The following MAP2K5 variants were observed in gnomAD, a reference collection of about 807,000 sequenced individuals.
The protein encoded by MAP2K5 is dual specificity mitogen-activated protein kinase kinase 5.
In MAP2K5, 49 loss-of-function variants were observed where a neutral mutation model predicts 83.1. The ratio of observed to expected loss-of-function variants is 0.59; its 90% confidence interval spans 0.47 to 0.75. MAP2K5 has a LOEUF of 0.75. Ranked by LOEUF, MAP2K5 falls within the 30% of genes least tolerant of loss-of-function variation. The pLI, the probability that MAP2K5 is intolerant of heterozygous loss-of-function variation, is 0.00. For missense variants in MAP2K5, 457 were observed against 557.5 expected (o/e 0.82, Z 1.82); for synonymous variants, 202 against 191.8 (o/e 1.05, Z -0.44).
At chr15:67,550,969 G>A (rs1030335856) in intron 2 of MAP2K5, among the ~76,000 whole-genome samples, 1 of 151,922 alleles carries the variant, frequency 6.6e-6, no homozygotes, top group Non-Finnish European at 1.5e-5. Flanking sequence ...ACAGGGTTTT[G>A]CCATGTTGGC....
At chr15:67,704,986 T>C (rs996989648) in intron 16 of MAP2K5, among the ~76,000 whole-genome samples, 1 of 152,210 alleles carries the variant, frequency 6.6e-6, no homozygotes, top group African/African-American at 2.4e-5. Context: ...CCACTGTTCT[T>C]CACTGGGCCT....
intron 19 of MAP2K5, among the ~76,000 whole-genome samples, chr15:67,756,365 G>A (rs2089833991): frequency 6.6e-6 from 1 of 152,154 alleles, no homozygotes; most frequent in Non-Finnish European, 1.5e-5. Context: ...CTTGTAGAAT[G>A]TGAAAGTTAT....
chr15:67,585,677 G>A (rs772116466), intron 4 of MAP2K5: 4 of 519,946 alleles, frequency 7.7e-6, no homozygotes, highest in Non-Finnish European at 1.4e-5. Flanking sequence ...TTTATATGAG[G>A]TGGTGTCAGA....
rs1391981345 is a variant in MAP2K5, at chr15:67,665,630, A to G, written c.847+985A>G. 3.3e-5 allele frequency among the ~76,000 whole-genome samples: 5 copies of G among 152,254 alleles called. No homozygotes were observed. Among genetic ancestry groups the G allele is most frequent in the East Asian group, 3.9e-4 (2 of 5,170 alleles). ...CTAGTGATTCCACATTTCTTCTGAA[A>G]TCCTCCTTTTTAATGAGGGTATCTA... On this transcript the variant is annotated intron_variant, in intron 13 of 21. Coordinates refer to ENST00000178640, the MANE Select transcript of MAP2K5 (RefSeq NM_145160.3). This position sits in a 1 kb window ranked among gnomAD's most constrained non-coding sequence, Gnocchi z 4.2.
At chr15:67,751,976 C>T (rs1412595725) in intron 19 of MAP2K5, among the ~76,000 whole-genome samples, 1 of 152,178 alleles carries the variant, frequency 6.6e-6, no homozygotes, top group Non-Finnish European at 1.5e-5. Flanking sequence ...CCTCTGTTCT[C>T]TATGGGCACT....
At chr15:67,716,538 T>C (rs1166046934) in intron 16 of MAP2K5, among the ~76,000 whole-genome samples, 1 of 152,218 alleles carries the variant, frequency 6.6e-6, no homozygotes, top group African/African-American at 2.4e-5. Flanking sequence ...TAAAAACCAC[T>C]GCTCCTAGAA....
chr15:67,627,123 T>A (rs976436334), intron 8 of MAP2K5, among the ~76,000 whole-genome samples: 4 of 151,794 alleles, frequency 2.6e-5, no homozygotes, highest in Non-Finnish European at 5.9e-5. Context: ...AATTATTTTA[T>A]TTTTTTTAAA....
chr15:67,729,536 C>T (rs182566923), intron 17 of MAP2K5, among the ~76,000 whole-genome samples: 3 of 151,838 alleles, frequency 2.0e-5, no homozygotes, highest in South Asian at 2.1e-4. Flanking sequence ...TTTGGGAGGC[C>T]GAGGTGGGCG....
At chr15:67,709,840 T>C (rs1465612229) in intron 16 of MAP2K5, among the ~76,000 whole-genome samples, 2 of 152,230 alleles carry the variant, frequency 1.3e-5, no homozygotes, top group East Asian at 3.8e-4. Flanking sequence ...CAATTTGCAG[T>C]ATTTAGGATG....
At chr15:67,607,171 G>A (rs1288003778) in intron 8 of MAP2K5, among the ~76,000 whole-genome samples, 1 of 152,094 alleles carries the variant, frequency 6.6e-6, no homozygotes, top group Non-Finnish European at 1.5e-5. Context: ...TTTCCTTGCA[G>A]CCAAGATCAT....
At chr15:67,662,337 C>G (rs953578592) in intron 12 of MAP2K5, among the ~76,000 whole-genome samples, 3 of 152,070 alleles carry the variant, frequency 2.0e-5, no homozygotes, top group African/African-American at 7.2e-5. Flanking sequence ...TATTTAGCCC[C>G]TAACCTTTTC....
chr15:67,741,643 G>A (rs376903824), intron 17 of MAP2K5, among the ~76,000 whole-genome samples: 2 of 152,072 alleles, frequency 1.3e-5, no homozygotes, highest in African/African-American at 2.4e-5. Flanking sequence ...TGGAACACAC[G>A]GGCTTCTTGG....
chr15:67,574,076 C>T (rs944783562), intron 3 of MAP2K5, among the ~76,000 whole-genome samples: 9 of 152,180 alleles, frequency 5.9e-5, no homozygotes, highest in African/African-American at 2.2e-4. Context: ...CAAATTCTTT[C>T]TGGCACGACA....
At chr15:67,798,270 G>A (rs980994041) in intron 21 of MAP2K5, among the ~76,000 whole-genome samples, 11 of 152,312 alleles carry the variant, frequency 7.2e-5, no homozygotes, top group Non-Finnish European at 5.9e-5. Flanking sequence ...CAAAACTGCC[G>A]GAGGCAGCCA....
intron 13 of MAP2K5, among the ~76,000 whole-genome samples, chr15:67,674,864 A>T (rs1374282927): frequency 6.6e-6 from 1 of 152,230 alleles, no homozygotes; most frequent in African/African-American, 2.4e-5. Context: ...GTTCAATATC[A>T]TTAGGCTTTA....
intron 8 of MAP2K5, among the ~76,000 whole-genome samples, chr15:67,623,612 T>TTA (rs374689318): frequency 6.6e-6 from 1 of 151,394 alleles, no homozygotes; most frequent in Non-Finnish European, 1.5e-5. Context: ...TTTTTTTTTT[T>TTA]AGACGGAGTT....
In MAP2K5 at chr15:67,749,965, A is replaced by G. The variant is rs2089683979; in HGVS notation, c.1134+1364A>G. On this transcript the variant is annotated intron_variant, in intron 19 of 21. Transcript: ENST00000178640. The surrounding 1 kb of genome is among the most constrained non-coding windows in gnomAD (Gnocchi z 4.6). Reference sequence around the variant, plus strand: ...CCGTTGGTCTGCCAGGCTCCTAGGCATCAGAACATCCAGGTAAAGGCATTC... The same window carrying G: ...CCGTTGGTCTGCCAGGCTCCTAGGCGTCAGAACATCCAGGTAAAGGCATTC... 1.3e-5 allele frequency among the ~76,000 whole-genome samples: 2 copies of G among 152,228 alleles called. No homozygotes were observed. The highest frequency in any genetic ancestry group is 2.9e-5 in the Non-Finnish European group (2 of 68,044).
chr15:67,765,015 G>A (rs1245156023), intron 19 of MAP2K5, among the ~76,000 whole-genome samples: 1 of 152,174 alleles, frequency 6.6e-6, no homozygotes, highest in Non-Finnish European at 1.5e-5. Flanking sequence ...AATACTGAGA[G>A]ATCCTGTGTA....
rs752091317 is a variant in MAP2K5 at position 67,543,387 on chromosome 15, G to A, written c.52G>A (p.Val18Ile). 6.2e-7 allele frequency: 1 copy of A among 1,614,178 alleles called. No individual in the cohort carries two copies. The highest frequency in any genetic ancestry group is 1.1e-5 in the South Asian group (1 of 91,080). The change falls in exon 1 of 22, where the codon GTA (valine) becomes ATA (isoleucine). Residue 18 changes from valine (V) to isoleucine (I), a missense_variant. Physicochemically the swap from Val to Ile is conservative, Grantham distance 29. Around this residue, in one of 3 missense-constraint regions of MAP2K5, gnomAD observed 234 missense variants for 243.6 expected, o/e 0.96. Transcript: ENST00000178640. This position sits in a 1 kb window ranked among gnomAD's most constrained non-coding sequence, Gnocchi z 4.3. ...TCCTGCCATGGAGAACCAGGTGCTG[G>A]TAATTCGCATCAAGATCCCAAATAG... ...PFPAMENQVL[V>I]IRIKIPNSGA...
Sources: gnomAD v4.1 joint callset for allele counts (sites outside exome capture counted in the v4.1 genomes callset) on GRCh38, gnomAD v4.1.1 for gene constraint, gnomAD v4.1.1 regional missense constraint, Gnocchi (gnomAD v3.1) non-coding constraint, MANE v1.5 for transcripts, NCBI Gene and HGNC (gene_info 2026-07-23, HGNC 2026-07-21) for gene names.